UBE4B: variants seen among roughly 807,000 people sequenced by gnomAD.
UBE4B encodes ubiquitin conjugation factor E4 B.
UBE4B carries 27 observed loss-of-function variants against 148.1 expected under a neutral mutation model. The ratio of observed to expected loss-of-function variants is 0.18; its 90% CI spans 0.13 to 0.25. The LOEUF (loss-of-function observed/expected upper bound fraction) is 0.25, where lower values mean the gene tolerates loss of function less well. UBE4B is among the 10% of genes least tolerant of loss of function. UBE4B has a pLI of 1.00. For missense variants in UBE4B, 1,170 were observed against 1,662.4 expected, an observed-to-expected ratio of 0.70 and a Z score of 5.15; for synonymous variants, 596 against 619.3, an observed-to-expected ratio of 0.96 and a Z score of 0.56.
chr1:10,153,048 A>G (rs896875159), intron 21 of UBE4B, among the ~76,000 whole-genome samples: 1 of 150,986 alleles, frequency 6.6e-6, no homozygotes, highest in Non-Finnish European at 1.5e-5. Context: ...GAAAATTGGA[A>G]CCAACTGCTA....
intron 1 of UBE4B, among the ~76,000 whole-genome samples, chr1:10,055,317 C>G (rs1381490043): frequency 6.7e-6 from 1 of 148,948 alleles, no homozygotes; most frequent in African/African-American, 2.5e-5. Flanking sequence ...TTTTTCTTTT[C>G]TTTCCTTTCT....
At chr1:10,104,779 A>AT (rs1308889076) in intron 5 of UBE4B, among the ~76,000 whole-genome samples, 1 of 152,198 alleles carries the variant, frequency 6.6e-6, no homozygotes, top group Non-Finnish European at 1.5e-5. Context: ...TAAAATTTCC[A>AT]TGAGTTAAAA....
At position 10,180,023 on chromosome 1, in the gene UBE4B, G is replaced by T. The variant is rs374654837; in HGVS notation, c.*67G>T. 2 of 1,599,594 alleles carry T rather than the reference G, an allele frequency of 1.3e-6. No homozygotes were observed. Among genetic ancestry groups the T allele is most frequent in the Non-Finnish European group, 1.7e-6 (2 of 1,170,288 alleles). On this transcript the variant is annotated 3_prime_UTR_variant, in exon 28 of 28. Coordinates refer to ENST00000343090, the MANE Select transcript of UBE4B (RefSeq NM_001105562.3). ...AACGAGGCAAGCAGAAGCAGCGGCC[G>T]CAGCGAAGCTGCCGTTCATGTGTTG...
rs764690277 is a variant in UBE4B, at chr1:10,171,230, G to T, written c.3426G>T (p.Glu1142Asp). 1.2e-6 allele frequency: 2 copies of T among 1,614,092 alleles called. No individual in the cohort carries two copies. The highest frequency in any genetic ancestry group is 2.2e-5 in the South Asian group (2 of 91,082). The change falls in exon 25 of 28, where the codon GAG becomes GAT. Residue 1142 changes from glutamate to aspartate, a missense_variant. By Grantham distance (45) the Glu-to-Asp change is conservative. Coordinates refer to ENST00000343090, the MANE Select transcript of UBE4B (RefSeq NM_001105562.3). ...GTGACCTGAAAGTTGAAAACCCTGAGAAATACGGCTTTGAACCAAAGAAGC... is the reference window on the plus strand; with the variant it reads ...GTGACCTGAAAGTTGAAAACCCTGATAAATACGGCTTTGAACCAAAGAAGC... ...KCRDLKVENP[E>D]KYGFEPKKLL...
chr1:10,165,782 A>G (rs1302330345), intron 23 of UBE4B, among the ~76,000 whole-genome samples: 7 of 152,074 alleles, frequency 4.6e-5, no homozygotes, highest in Non-Finnish European at 4.4e-5. Context: ...CCTTTCCAGA[A>G]TAGCATTCCC....
intron 9 of UBE4B, among the ~76,000 whole-genome samples, chr1:10,121,708 C>T (rs1645414431): frequency 6.6e-6 from 1 of 152,182 alleles, no homozygotes; most frequent in South Asian, 2.1e-4. Context: ...TTCCTTTTTT[C>T]AGTGCTTCAT....
chr1:10,178,527 A>T, intron 25 of UBE4B, 117 bp from the exon 26 acceptor site: 1 of 999,238 alleles, frequency 1.0e-6, no homozygotes, highest in Non-Finnish European at 1.4e-6. Context: ...ATATAATTTT[A>T]GGGCTTTTTT....
rs1645164596 is a variant in UBE4B, at chr1:10,108,745, T to TA, written c.1196+2163dup. 2.0e-5 allele frequency among the ~76,000 whole-genome samples: 3 copies of TA among 152,348 alleles called. No homozygotes were observed. The South Asian group carries it at 6.2e-4, about 32-fold the overall frequency. On this transcript the variant is annotated intron_variant, in intron 7 of 27. Transcript: ENST00000343090. ...GATTCAGGAAGGTTGATATTTGTAT[T>TA]ACGCTGAACATTTTATCACCATTTC... is the stretch of plus-strand genomic sequence containing the variant.
intron 5 of UBE4B, among the ~76,000 whole-genome samples, chr1:10,104,096 T>C (rs544908892): frequency 1.3e-5 from 2 of 152,236 alleles, no homozygotes; most frequent in South Asian, 4.1e-4. Context: ...TAGTGGGTGG[T>C]CTCCAGGGAT....
At position 10,038,472 on chromosome 1, in the gene UBE4B, GTAC is replaced by G. The variant is rs371772099; in HGVS notation, c.24+4780_24+4782del. 4.2e-4 allele frequency among the ~76,000 whole-genome samples: 64 copies of G among 152,214 alleles called. No homozygotes were observed. In the East Asian group the frequency reaches 0.011, roughly 27 times the overall value. On this transcript the variant is annotated intron_variant, in intron 1 of 27. Coordinates refer to ENST00000343090, the MANE Select transcript of UBE4B (RefSeq NM_001105562.3). ...TAGAGAAAACATTATAATCAAGCAG[GTAC>G]TGTTTTCCTAATTTTACAAGTCAGG... is the stretch of plus-strand genomic sequence containing the variant.
chr1:10,063,931 T>C (rs1272510104), intron 1 of UBE4B, among the ~76,000 whole-genome samples: 2 of 151,338 alleles, frequency 1.3e-5, no homozygotes, highest in Non-Finnish European at 2.9e-5. Flanking sequence ...AAAAGAAAAG[T>C]ACATCTTACC....
At chr1:10,093,886 G>C (rs546147450) in intron 2 of UBE4B, among the ~76,000 whole-genome samples, 1 of 151,904 alleles carries the variant, frequency 6.6e-6, no homozygotes, top group Admixed American at 6.6e-5. Flanking sequence ...CTAGAAACAG[G>C]GTTTCACCAC....
chr1:10,039,596 ATT>A (rs34204373), intron 1 of UBE4B, among the ~76,000 whole-genome samples: 8 of 137,540 alleles, frequency 5.8e-5, no homozygotes, highest in Admixed American at 7.3e-5. Flanking sequence ...TGCCCTGCTG[ATT>A]TTTTTTTTTT....
intron 1 of UBE4B, among the ~76,000 whole-genome samples, chr1:10,038,259 A>G (rs1450176668): frequency 1.3e-5 from 2 of 151,766 alleles, no homozygotes; most frequent in Non-Finnish European, 2.9e-5. Flanking sequence ...CAGCCTGGGC[A>G]ACAAGAGTGA....
intron 25 of UBE4B, among the ~76,000 whole-genome samples, chr1:10,174,347 C>T (rs369540684): frequency 6.7e-6 from 1 of 148,678 alleles, no homozygotes; most frequent in Non-Finnish European, 1.5e-5. Flanking sequence ...GAGCTGAGAT[C>T]GCACCGCTGC....
At chr1:10,153,640 T>G (rs1318280469) in intron 21 of UBE4B, among the ~76,000 whole-genome samples, 1 of 149,460 alleles carries the variant, frequency 6.7e-6, no homozygotes, top group African/African-American at 2.5e-5. Context: ...ACCAAAATGG[T>G]GAATCCTAGT....
intron 1 of UBE4B, among the ~76,000 whole-genome samples, chr1:10,069,199 A>G (rs190172050): frequency 3.6e-4 from 55 of 152,326 alleles, no homozygotes; most frequent in African/African-American, 1.3e-3. Flanking sequence ...AGGTGACTTC[A>G]TATTTTTTCC....
At chr1:10,157,714 T>C (rs1646096832) in intron 21 of UBE4B, among the ~76,000 whole-genome samples, 1 of 151,806 alleles carries the variant, frequency 6.6e-6, no homozygotes, top group South Asian at 2.1e-4. Context: ...GAGGCAGAGG[T>C]TGCAGTGAGC....
intron 20 of UBE4B, among the ~76,000 whole-genome samples, chr1:10,151,111 C>T (rs1253285726): frequency 6.6e-6 from 1 of 150,930 alleles, no homozygotes; most frequent in African/African-American, 2.4e-5. Flanking sequence ...TGCAGTGAGC[C>T]GAGATCGCGC....
Sources: gnomAD v4.1 joint callset for allele counts (sites outside exome capture counted in the v4.1 genomes callset) on GRCh38, gnomAD v4.1.1 for gene constraint, MANE v1.5 for transcripts, NCBI Gene and HGNC (gene_info 2026-07-23, HGNC 2026-07-21) for gene names.